SNTG2: variants seen among roughly 807,000 people sequenced by gnomAD.
SNTG2 encodes the protein syntrophin gamma 2, also known as gamma-2-syntrophin.
In SNTG2, 74 loss-of-function variants were observed where a neutral mutation model predicts 70.9. That is an observed-to-expected ratio of 1.04 (90% confidence interval 0.86 to 1.27). The LOEUF (loss-of-function observed/expected upper bound fraction) is 1.27, where lower values mean the gene tolerates loss of function less well. Among genes scored for constraint, SNTG2 ranks in the 50% most tolerant of loss-of-function variants. The pLI, the probability that SNTG2 is intolerant of heterozygous loss-of-function variation, is 0.00. For missense variants in SNTG2, 717 were observed against 690.7 expected (o/e 1.04, Z -0.43); for synonymous variants, 278 against 273.8 (o/e 1.02, Z -0.15).
Position 1,141,587 on chromosome 2 carries a change from A to G in SNTG2, c.411+3778A>G, listed in dbSNP as rs528363685. Among the ~76,000 whole-genome samples, 15 of 152,310 alleles carry G rather than the reference A, an allele frequency of 9.8e-5. No homozygotes were observed. In the South Asian group the frequency reaches 2.9e-3, roughly 29 times the overall value. ...TGCTTTTTGCCTGAGCCAAGAGGCA[A>G]TCGAAAGAAATGGAATAAAATTTAC... On this transcript the variant is annotated intron_variant, in intron 6 of 16. Coordinates refer to ENST00000308624, the MANE Select transcript of SNTG2 (RefSeq NM_018968.4).
intron 1 of SNTG2, among the ~76,000 whole-genome samples, chr2:974,190 C>A (rs1183174264): frequency 6.6e-6 from 1 of 152,100 alleles, no homozygotes; most frequent in Non-Finnish European, 1.5e-5. Flanking sequence ...TTGTCATCCC[C>A]TTAGAAGTCA....
chr2:1,265,587 A>T (rs1192149276), intron 13 of SNTG2, among the ~76,000 whole-genome samples: 1 of 152,224 alleles, frequency 6.6e-6, no homozygotes, highest in East Asian at 1.9e-4. Context: ...CAGAAGGCCC[A>T]CCTGAGACAC....
At chr2:1,243,051 C>T (rs28621830) in intron 11 of SNTG2, among the ~76,000 whole-genome samples, 33,756 of 152,116 alleles carry the variant, frequency 0.22, 5,971 homozygotes, top group African/African-American at 0.49. Context: ...TCCGATGTTT[C>T]CAACAATAGC....
chr2:1,041,653 T>C (rs1355806453), intron 1 of SNTG2, among the ~76,000 whole-genome samples: 1 of 152,160 alleles, frequency 6.6e-6, no homozygotes, highest in African/African-American at 2.4e-5. Context: ...GCCTCTCTCT[T>C]GCTCCTGCTC....
At chr2:974,060 A>G (rs1038747560) in intron 1 of SNTG2, among the ~76,000 whole-genome samples, 2 of 152,024 alleles carry the variant, frequency 1.3e-5, no homozygotes, top group Non-Finnish European at 2.9e-5. Flanking sequence ...GGATTTATTT[A>G]TTTATGGTTA....
At chr2:1,001,853 G>T (rs1659404552) in intron 1 of SNTG2, among the ~76,000 whole-genome samples, 1 of 152,070 alleles carries the variant, frequency 6.6e-6, no homozygotes, top group Non-Finnish European at 1.5e-5. Context: ...CACATTACCT[G>T]ACTTCAAATT....
rs141490157 is a variant in SNTG2, at chr2:1,253,874, G to A, written c.1006-5496G>A. On this transcript the variant is annotated intron_variant, in intron 12 of 16. Transcript: ENST00000308624. ...AGGAAGAGAGGGAGCGGGAGGAGAT[G>A]TCACACTTTTAAACAATCAGATCTC... Among the ~76,000 whole-genome samples, 333 of 152,076 alleles carry A rather than the reference G, an allele frequency of 2.2e-3. 5 individuals are homozygous for A. Among genetic ancestry groups the A allele is most frequent in the African/African-American group, 7.3e-3 (304 of 41,490 alleles).
intron 8 of SNTG2, among the ~76,000 whole-genome samples, chr2:1,204,813 C>A (rs1673524392): frequency 6.6e-6 from 1 of 152,112 alleles, no homozygotes; most frequent in South Asian, 2.1e-4. Flanking sequence ...CGGTTTGGTA[C>A]TACGCACAGT....
chr2:1,222,117 C>CTCTGCCTATCTCTGTCTCTGTT (rs1185946852), intron 9 of SNTG2, among the ~76,000 whole-genome samples: 1 of 37,506 alleles, frequency 2.7e-5, no homozygotes, highest in Non-Finnish European at 7.5e-5. Context: ...CTCTCTCTGT[C>CTCTGCCTATCTCTGTCTCTGTT]TCTCTCTGTC....
At chr2:1,216,271 A>AT (rs1365786402) in intron 9 of SNTG2, among the ~76,000 whole-genome samples, 1 of 152,154 alleles carries the variant, frequency 6.6e-6, no homozygotes, top group Admixed American at 6.5e-5. Context: ...ATGGTATCTC[A>AT]TTGTGGTTTT....
chr2:1,207,513 C>A (rs1358201005), intron 8 of SNTG2, among the ~76,000 whole-genome samples: 1 of 152,222 alleles, frequency 6.6e-6, no homozygotes, highest in African/African-American at 2.4e-5. Flanking sequence ...CCCCATCCCA[C>A]CTGCGTTGAG....
chr2:1,335,302 A>G (rs563504013), intron 16 of SNTG2, among the ~76,000 whole-genome samples: 1 of 152,336 alleles, frequency 6.6e-6, no homozygotes, highest in East Asian at 1.9e-4. Context: ...ACATGACAGA[A>G]TGGGTCCTGA....
intron 6 of SNTG2, among the ~76,000 whole-genome samples, chr2:1,138,788 T>A (rs1287513350): frequency 6.6e-6 from 1 of 152,330 alleles, no homozygotes; most frequent in South Asian, 2.1e-4. Context: ...CACTCATTTC[T>A]TCTTCAGTGT....
At chr2:1,165,339 A>G (rs1670634269) in intron 6 of SNTG2, among the ~76,000 whole-genome samples, 1 of 151,704 alleles carries the variant, frequency 6.6e-6, no homozygotes, top group African/African-American at 2.4e-5. Context: ...GCACTTGTTT[A>G]CGCAGATAGA....
At chr2:1,135,106 G>C (rs1668293111) in intron 4 of SNTG2, among the ~76,000 whole-genome samples, 1 of 152,162 alleles carries the variant, frequency 6.6e-6, no homozygotes, top group Non-Finnish European at 1.5e-5. Flanking sequence ...TTTTTCTGAT[G>C]TCTGGAGGCG....
At chr2:1,054,477 A>G (rs1372942516) in intron 1 of SNTG2, among the ~76,000 whole-genome samples, 1 of 152,184 alleles carries the variant, frequency 6.6e-6, no homozygotes, top group Admixed American at 6.5e-5. Flanking sequence ...AGGATTCCTG[A>G]AAGGAAATCC....
chr2:961,750 G>A (rs147568855), intron 1 of SNTG2, among the ~76,000 whole-genome samples: 15 of 152,242 alleles, frequency 9.9e-5, no homozygotes, highest in Admixed American at 2.6e-4. Flanking sequence ...GTTTGTCTCC[G>A]TGCTGAACTG....
intron 7 of SNTG2, among the ~76,000 whole-genome samples, chr2:1,171,694 A>C (rs780558356): frequency 7.9e-5 from 12 of 152,216 alleles, no homozygotes; most frequent in South Asian, 4.1e-4. Context: ...AAGTTAAGCA[A>C]TTCTTATTTC....
intron 1 of SNTG2, among the ~76,000 whole-genome samples, chr2:1,021,094 C>G (rs1168497890): frequency 6.6e-6 from 1 of 152,168 alleles, no homozygotes; most frequent in East Asian, 1.9e-4. Flanking sequence ...CCAATTTTCA[C>G]AGTAAGGAAT....
Sources: allele counts gnomAD v4.1 joint callset (sites outside exome capture counted in the v4.1 genomes callset), GRCh38; gene constraint gnomAD v4.1.1; transcripts MANE v1.5; gene names NCBI Gene and HGNC (gene_info 2026-07-23, HGNC 2026-07-21).